Variants in BACH2 observed in about 807,000 individuals in gnomAD.
BACH2 encodes transcription regulator protein BACH2.
In BACH2, 5 loss-of-function variants were observed where a neutral mutation model predicts 61.8. The observed-to-expected ratio is 0.08, with a 90% CI of 0.04 to 0.17. The LOEUF is 0.17. Among genes scored for constraint, BACH2 ranks in the 10% least tolerant of loss-of-function variants. The pLI, the probability that BACH2 is intolerant of heterozygous loss-of-function variation, is 1.00. For missense variants in BACH2, 824 were observed against 1,091.1 expected, an observed-to-expected ratio of 0.76 and a Z score of 3.45; for synonymous variants, 446 against 440.1, an observed-to-expected ratio of 1.01 and a Z score of -0.17.
intron 4 of BACH2, among the ~76,000 whole-genome samples, chr6:90,176,308 TGAA>T (rs976132340): frequency 2.0e-5 from 3 of 151,958 alleles, no homozygotes; most frequent in East Asian, 1.9e-4. Context: ...CAGAGATTAG[TGAA>T]GGAGGGAGCA....
chr6:90,160,184 G>C (rs1437310772), intron 4 of BACH2, among the ~76,000 whole-genome samples: 1 of 152,166 alleles, frequency 6.6e-6, no homozygotes, highest in Non-Finnish European at 1.5e-5. Flanking sequence ...CGTCATCACA[G>C]ACATGTATTC....
chr6:90,146,934 G>C (rs564948516), intron 4 of BACH2, among the ~76,000 whole-genome samples: 1 of 152,116 alleles, frequency 6.6e-6, no homozygotes, highest in Non-Finnish European at 1.5e-5. Flanking sequence ...TCTTGCAGTA[G>C]CCTCCAGGAG....
chr6:89,974,862 C>A (rs531731897), intron 6 of BACH2, among the ~76,000 whole-genome samples: 1 of 152,158 alleles, frequency 6.6e-6, no homozygotes, highest in South Asian at 2.1e-4. Flanking sequence ...AAAGTAGACA[C>A]GTATGTATCT....
At chr6:90,212,150 C>T (rs1769376564) in intron 3 of BACH2, among the ~76,000 whole-genome samples, 1 of 152,172 alleles carries the variant, frequency 6.6e-6, no homozygotes, top group African/African-American at 2.4e-5. Context: ...ATTCACATGG[C>T]TTTGAAGTTA....
chr6:90,202,366 A>C (rs746864023), intron 4 of BACH2, among the ~76,000 whole-genome samples: 7 of 152,190 alleles, frequency 4.6e-5, no homozygotes, highest in Admixed American at 1.3e-4. Flanking sequence ...ATCTGCGTGT[A>C]AACGTGAAAC....
chr6:90,211,107 A>G (rs1562506575), intron 3 of BACH2, among the ~76,000 whole-genome samples: 1 of 138,152 alleles, frequency 7.2e-6, no homozygotes, highest in Admixed American at 8.1e-5. Flanking sequence ...AGCCTGGGTG[A>G]CAGAGGGAGA....
intron 4 of BACH2, among the ~76,000 whole-genome samples, chr6:90,147,043 T>C (rs1020062019): frequency 6.6e-6 from 1 of 151,972 alleles, no homozygotes; most frequent in Admixed American, 6.5e-5. Flanking sequence ...CCCGAAAGGG[T>C]AGAATATGGC....
intron 4 of BACH2, among the ~76,000 whole-genome samples, chr6:90,106,718 C>T (rs207260): frequency 7.2e-5 from 11 of 152,106 alleles, no homozygotes; most frequent in African/African-American, 1.4e-4. Flanking sequence ...AAGTGGGTGG[C>T]GCTGATTAAA....
chr6:90,214,751 CTTTTTTTTTTTTTTT>C (rs563651580), intron 3 of BACH2, among the ~76,000 whole-genome samples: 1 of 94,302 alleles, frequency 1.1e-5, no homozygotes, highest in Admixed American at 1.3e-4. Context: ...GATTCTGTTC[CTTTTTTTTTTTTTTT>C]TTTTTTTTTT....
intron 4 of BACH2, among the ~76,000 whole-genome samples, chr6:90,105,375 A>T (rs913781230): frequency 1.2e-4 from 19 of 152,334 alleles, no homozygotes; most frequent in Non-Finnish European, 2.4e-4. Flanking sequence ...GCAAACCATA[A>T]TTTTTACAAA....
At chr6:90,285,490 T>C (rs1450087641) in intron 1 of BACH2, among the ~76,000 whole-genome samples, 2 of 152,210 alleles carry the variant, frequency 1.3e-5, no homozygotes, top group African/African-American at 2.4e-5. Context: ...TTTTCATTTA[T>C]TATCAGCCCC....
At chr6:90,247,478 C>T (rs1242484737) in intron 3 of BACH2, among the ~76,000 whole-genome samples, 5 of 152,056 alleles carry the variant, frequency 3.3e-5, no homozygotes, top group South Asian at 2.1e-4. Flanking sequence ...ATCCTCCCAC[C>T]TCAATCTCCC....
At chr6:90,000,131 A>G (rs1777057076) in intron 6 of BACH2, among the ~76,000 whole-genome samples, 1 of 152,202 alleles carries the variant, frequency 6.6e-6, no homozygotes, top group African/African-American at 2.4e-5. Flanking sequence ...GGCTATTTTC[A>G]CACTAGATTT....
rs397885211 is a variant in BACH2 at position 89,930,228 on chromosome 6, CTTTTTTTTTTT to C, written c.*2169_*2179del. On this transcript the variant is annotated 3_prime_UTR_variant, in exon 9 of 9. Transcript: ENST00000257749. ...AGTGGAACTGTTTAAAAAGAAAAGCCTTTTTTTTTTTTTTTTTTTTTTTTTTATCCTACTGC... is the reference window on the plus strand; with the variant it reads ...AGTGGAACTGTTTAAAAAGAAAAGCCTTTTTTTTTTTTTTTATCCTACTGC... 3.9e-4 allele frequency: 21 copies of C among 53,446 alleles called. No homozygotes were observed. The highest frequency in any genetic ancestry group is 6.4e-4 in the Non-Finnish European group (19 of 29,558). The allele number at this position is 53,446 out of a possible 1,614,324, so 3.3% of individuals were successfully genotyped here.
intron 1 of BACH2, among the ~76,000 whole-genome samples, chr6:90,279,290 A>G (rs1205739635): frequency 6.6e-6 from 1 of 152,148 alleles, no homozygotes; most frequent in East Asian, 1.9e-4. Context: ...TGGGAGGCTG[A>G]GGTGGGCGGA....
At chr6:90,083,829 T>C (rs1305862602) in intron 5 of BACH2, among the ~76,000 whole-genome samples, 1 of 152,218 alleles carries the variant, frequency 6.6e-6, no homozygotes, top group African/African-American at 2.4e-5. Flanking sequence ...CTCAGTTAAT[T>C]AGACTATTTG....
At chr6:89,944,374 C>A (rs1773609269) in intron 7 of BACH2, among the ~76,000 whole-genome samples, 1 of 152,216 alleles carries the variant, frequency 6.6e-6, no homozygotes, top group Non-Finnish European at 1.5e-5. Context: ...CACATGGTTT[C>A]GTCTTACAGA....
intron 4 of BACH2, among the ~76,000 whole-genome samples, chr6:90,092,291 A>AAAAAAAAAATATATATATAT: frequency 1.8e-5 from 2 of 113,824 alleles, no homozygotes; most frequent in African/African-American, 7.2e-5. Context: ...AAAAAAAAAA[A>AAAAAAAAAATATATATATAT]ATATATATAT....
intron 4 of BACH2, among the ~76,000 whole-genome samples, chr6:90,090,925 T>C (rs1782134498): frequency 6.6e-6 from 1 of 152,134 alleles, no homozygotes. Flanking sequence ...CAAAATCAAA[T>C]CAGAATAGCT....
Sources: allele counts gnomAD v4.1 joint callset (sites outside exome capture counted in the v4.1 genomes callset), GRCh38; gene constraint gnomAD v4.1.1; transcripts MANE v1.5; gene names NCBI Gene and HGNC (gene_info 2026-07-23, HGNC 2026-07-21).